The following GRIK1 variants were observed in gnomAD, a reference collection of about 807,000 sequenced individuals.
GRIK1 encodes glutamate ionotropic receptor kainate type subunit 1, also known as glutamate receptor ionotropic, kainate 1.
GRIK1 carries 69 observed loss-of-function variants against 105.7 expected under a neutral mutation model. That is an observed-to-expected ratio of 0.65 (90% CI 0.54 to 0.80). The LOEUF is 0.80. GRIK1 is among the 30% of genes least tolerant of loss of function. The pLI is 0.00. For synonymous variants in GRIK1, 438 were observed against 431.3 expected (o/e 1.02, Z -0.19); for missense variants, 1,109 against 1,167.3 (o/e 0.95, Z 0.73).
rs2091152186 is a variant in GRIK1 at position 29,587,418 on chromosome 21, A to G, written c.1741T>C (p.Tyr581His). Residue 581 changes from tyrosine to histidine, a missense_variant, in exon 12 of 18, where the codon TAT becomes CAT. Coordinates refer to ENST00000327783, the MANE Select transcript of GRIK1 (RefSeq NM_001330994.2). ...LNPLSPDIWMYVLLACLGVSC... is the reference protein window; with the variant it reads ...LNPLSPDIWMHVLLACLGVSC... Reference sequence around the variant, plus strand: ...ACTCCCAAGCAGGCTAAGAGCACATACATCCAAATATCTGGAGACAGGGGG... The same window carrying G: ...ACTCCCAAGCAGGCTAAGAGCACATGCATCCAAATATCTGGAGACAGGGGG... 1.2e-6 allele frequency: 2 copies of G among 1,613,976 alleles called. No individual in the cohort carries two copies. The highest frequency in any genetic ancestry group is 1.3e-5 in the African/African-American group (1 of 75,030).
At chr21:29,691,911 A>G (rs1362846530) in intron 2 of GRIK1, among the ~76,000 whole-genome samples, 2 of 152,188 alleles carry the variant, frequency 1.3e-5, no homozygotes, top group Non-Finnish European at 2.9e-5. Flanking sequence ...ACGAAGATGT[A>G]CAGTTTTGTC....
At chr21:29,920,456 A>C (rs1431389127) in intron 1 of GRIK1, among the ~76,000 whole-genome samples, 2 of 152,098 alleles carry the variant, frequency 1.3e-5, no homozygotes, top group Admixed American at 6.5e-5. Flanking sequence ...TTTTACAGAT[A>C]TAAACTCACA....
rs140332609 is a variant in GRIK1 at position 29,689,772 on chromosome 21, T to C, written c.500A>G (p.Tyr167Cys). 1.1e-4 allele frequency: 181 copies of C among 1,613,920 alleles called. No homozygotes were observed. The highest frequency in any genetic ancestry group is 3.3e-4 in the Middle Eastern group (2 of 6,056). The change falls in exon 3 of 18, where the codon TAT (tyrosine) becomes TGT (cysteine). Residue 167 changes from tyrosine (Y) to cysteine (C), a missense_variant. Coordinates refer to ENST00000327783, the MANE Select transcript of GRIK1 (RefSeq NM_001330994.2). ...ISRAILDLVL[Y>C]YNWKTVTVVY... Reference sequence around the variant, plus strand: ...CACTGTCACTGTTTTCCAGTTGTAATAGAGGACCAGATCCAGGATCGCCCT... The same window carrying C: ...CACTGTCACTGTTTTCCAGTTGTAACAGAGGACCAGATCCAGGATCGCCCT...
At chr21:29,661,506 G>A (rs1290017299) in intron 4 of GRIK1, among the ~76,000 whole-genome samples, 6 of 152,122 alleles carry the variant, frequency 3.9e-5, no homozygotes, top group Admixed American at 3.3e-4. Context: ...AGTGTGATGC[G>A]GGGCCACAAG....
At chr21:29,905,210 A>G (rs2070566944) in intron 1 of GRIK1, among the ~76,000 whole-genome samples, 1 of 152,130 alleles carries the variant, frequency 6.6e-6, no homozygotes, top group South Asian at 2.1e-4. Context: ...CTTGATCATG[A>G]CAAAGTATTT....
chr21:29,745,321 G>A (rs534653041), intron 1 of GRIK1, among the ~76,000 whole-genome samples: 1 of 152,276 alleles, frequency 6.6e-6, no homozygotes, highest in African/African-American at 2.4e-5. Flanking sequence ...CTGCAGATGA[G>A]ACTTTACTCT....
At chr21:29,671,299 AT>A (rs2063155418) in intron 4 of GRIK1, among the ~76,000 whole-genome samples, 1 of 151,360 alleles carries the variant, frequency 6.6e-6, no homozygotes, top group Admixed American at 6.6e-5. Context: ...ATTTTTTTGT[AT>A]TTTTAGTAGA....
At chr21:29,845,446 T>C (rs552174739) in intron 1 of GRIK1, among the ~76,000 whole-genome samples, 8 of 152,318 alleles carry the variant, frequency 5.3e-5, no homozygotes, top group African/African-American at 1.9e-4. Context: ...TTTATTTCTG[T>C]TAATCCTGCG....
At chr21:29,715,646 C>T (rs1463109279) in intron 1 of GRIK1, among the ~76,000 whole-genome samples, 2 of 149,910 alleles carry the variant, frequency 1.3e-5, no homozygotes, top group South Asian at 2.2e-4. Context: ...ATAGTCACAT[C>T]ACAGAGTAGC....
At chr21:29,861,146 C>T (rs1002092828) in intron 1 of GRIK1, among the ~76,000 whole-genome samples, 10 of 152,068 alleles carry the variant, frequency 6.6e-5, no homozygotes, top group Non-Finnish European at 1.3e-4. Context: ...TCCAATCTCC[C>T]GGTTGTCTAT....
intron 1 of GRIK1, among the ~76,000 whole-genome samples, chr21:29,753,093 CATGT>C (rs2065245996): frequency 6.6e-6 from 1 of 152,146 alleles, no homozygotes; most frequent in Admixed American, 6.5e-5. Context: ...TGCATGCATG[CATGT>C]GTGTGTGTTT....
At chr21:29,751,862 C>T (rs763947825) in intron 1 of GRIK1, among the ~76,000 whole-genome samples, 4 of 152,186 alleles carry the variant, frequency 2.6e-5, no homozygotes, top group Admixed American at 6.5e-5. Flanking sequence ...ATTCCACTTA[C>T]GGGGGTTTTC....
chr21:29,553,440 T>C, intron 16 of GRIK1: 1 of 1,408,018 alleles, frequency 7.1e-7, no homozygotes. Context: ...AGTTTTGCTA[T>C]CCTAAAGGAA....
chr21:29,591,148 T>G lies in GRIK1; in HGVS notation c.1329A>C (p.Ser443=). 3 of 1,608,328 alleles carry G rather than the reference T, an allele frequency of 1.9e-6. No individual in the cohort carries two copies. The highest frequency in any genetic ancestry group is 2.6e-6 in the Non-Finnish European group (3 of 1,174,652). Residue 443 remains serine, a synonymous_variant, in exon 10 of 18, where the codon TCA becomes TCC. Transcript: ENST00000327783. ...TGACAATGAGTGTTCTGTTGGCCAA[T>G]GAATCAGTGATATTGCTGGACTTGT... The part of the protein sequence containing the change: ...NKDKSSNITD[S]LANRTLIVTT...
At chr21:29,726,195 A>G (rs1009725056) in intron 1 of GRIK1, among the ~76,000 whole-genome samples, 1 of 152,226 alleles carries the variant, frequency 6.6e-6, no homozygotes. Context: ...AAGGAAATGA[A>G]TATTTAAGAA....
intron 1 of GRIK1, among the ~76,000 whole-genome samples, chr21:29,696,257 T>G (rs1441788329): frequency 6.6e-6 from 1 of 152,190 alleles, no homozygotes; most frequent in Non-Finnish European, 1.5e-5. Flanking sequence ...AGTTGAAAAT[T>G]GTATGACAAT....
At chr21:29,716,692 A>C (rs1479619548) in intron 1 of GRIK1, among the ~76,000 whole-genome samples, 1 of 152,216 alleles carries the variant, frequency 6.6e-6, no homozygotes, top group Non-Finnish European at 1.5e-5. Flanking sequence ...AAAAATTTCT[A>C]AGTGGCAAAG....
chr21:29,791,532 A>G (rs149544329), intron 1 of GRIK1, among the ~76,000 whole-genome samples: 44 of 152,254 alleles, frequency 2.9e-4, no homozygotes, highest in Non-Finnish European at 4.7e-4. Flanking sequence ...TAAATAGTAT[A>G]GTTTAGGTAG....
intron 1 of GRIK1, among the ~76,000 whole-genome samples, chr21:29,886,384 G>A (rs1047724438): frequency 5.9e-5 from 9 of 152,180 alleles, no homozygotes; most frequent in African/African-American, 2.2e-4. Context: ...GAACAGTTTT[G>A]AAGATATAGA....
Sources: gnomAD v4.1 joint callset for allele counts (sites outside exome capture counted in the v4.1 genomes callset) on GRCh38, gnomAD v4.1.1 for gene constraint, MANE v1.5 for transcripts, NCBI Gene and HGNC (gene_info 2026-07-23, HGNC 2026-07-21) for gene names.